The following TASP1 variants were observed in gnomAD, a reference collection of about 807,000 sequenced individuals.
TASP1 encodes the protein threonine aspartase 1.
A neutral mutation model predicts 56.6 loss-of-function variants in TASP1; 16 were observed. The observed-to-expected ratio is 0.28, with a 90% CI of 0.19 to 0.43. The LOEUF is 0.43. Among genes scored for constraint, TASP1 ranks in the 20% least tolerant of loss-of-function variants. TASP1 has a pLI of 1.00. For missense variants in TASP1, 393 were observed against 511.6 expected, an observed-to-expected ratio of 0.77 and a Z score of 2.24; for synonymous variants, 179 against 184.2, an observed-to-expected ratio of 0.97 and a Z score of 0.23.
At chr20:13,186,559 G>C in the TASP1 span, among the ~76,000 whole-genome samples, 22 of 152,114 alleles carry the variant, frequency 1.4e-4, no homozygotes, top group African/African-American at 5.3e-4. Flanking sequence ...ATAGAACACT[G>C]AGATTTAATT....
the TASP1 span, among the ~76,000 whole-genome samples, chr20:13,343,335 G>A: frequency 3.3e-5 from 5 of 152,216 alleles, no homozygotes; most frequent in African/African-American, 7.2e-5. Context: ...CTTGGCTCTT[G>A]GAAAATGGCC....
chr20:13,466,732 C>T (rs1411173057), intron 11 of TASP1, among the ~76,000 whole-genome samples: 1 of 152,184 alleles, frequency 6.6e-6, no homozygotes, highest in Non-Finnish European at 1.5e-5. Flanking sequence ...CAAAGCAAGA[C>T]TCCATCTTAA....
the TASP1 span, among the ~76,000 whole-genome samples, chr20:13,379,945 G>T: frequency 6.6e-6 from 1 of 152,208 alleles, no homozygotes; most frequent in Non-Finnish European, 1.5e-5. Flanking sequence ...TTCTTCTCTA[G>T]ACTGGTTATT....
At chr20:13,385,509 G>A (rs1009110134), downstream of TASP1, among the ~76,000 whole-genome samples, 29 of 152,192 alleles carry the variant, frequency 1.9e-4, no homozygotes, top group Admixed American at 1.3e-4. Flanking sequence ...CCCAGTGAGG[G>A]GCATAAGCAG....
chr20:13,383,676 G>C, the TASP1 span, among the ~76,000 whole-genome samples: 1 of 152,182 alleles, frequency 6.6e-6, no homozygotes, highest in East Asian at 1.9e-4. Flanking sequence ...CTCTGAGCCT[G>C]CATGGAGTAA....
At chr20:13,152,098 G>C in the TASP1 span, among the ~76,000 whole-genome samples, 2 of 152,118 alleles carry the variant, frequency 1.3e-5, no homozygotes, top group African/African-American at 4.8e-5. Context: ...TTATAGTGGA[G>C]GGGCTAACAA....
intron 13 of TASP1, among the ~76,000 whole-genome samples, chr20:13,406,815 C>T (rs542598763): frequency 4.6e-5 from 7 of 151,832 alleles, no homozygotes; most frequent in South Asian, 2.1e-4. Flanking sequence ...TACAGGCGCC[C>T]GCCACCATGC....
chr20:13,601,455 T>C (rs1296143889), intron 4 of TASP1, among the ~76,000 whole-genome samples: 1 of 152,158 alleles, frequency 6.6e-6, no homozygotes, highest in Non-Finnish European at 1.5e-5. Context: ...AATAAAGCAG[T>C]ATTAGACTAC....
At chr20:13,264,956 C>A in the TASP1 span, among the ~76,000 whole-genome samples, 1 of 152,168 alleles carries the variant, frequency 6.6e-6, no homozygotes, top group Non-Finnish European at 1.5e-5. Context: ...GAGGATGCTA[C>A]CAGAGAAGTG....
the TASP1 span, among the ~76,000 whole-genome samples, chr20:13,205,487 TC>T: frequency 6.6e-6 from 1 of 152,150 alleles, no homozygotes; most frequent in African/African-American, 2.4e-5. Context: ...GCCGAAGAGT[TC>T]AAGATCAAGA....
At chr20:13,522,933 T>C (rs1057278660) in intron 10 of TASP1, among the ~76,000 whole-genome samples, 3 of 152,080 alleles carry the variant, frequency 2.0e-5, no homozygotes, top group African/African-American at 4.8e-5. Flanking sequence ...TTAAGGACAG[T>C]ATTTACAGGA....
the TASP1 span, among the ~76,000 whole-genome samples, chr20:13,381,983 C>T: frequency 3.3e-5 from 5 of 152,162 alleles, no homozygotes; most frequent in Non-Finnish European, 2.9e-5. Flanking sequence ...CAGATGTGCA[C>T]ACCAGGATCC....
the TASP1 span, among the ~76,000 whole-genome samples, chr20:13,293,801 C>T: frequency 6.6e-6 from 1 of 151,920 alleles, no homozygotes; most frequent in Non-Finnish European, 1.5e-5. Flanking sequence ...TGGGGAAACC[C>T]CATCTCTACT....
At chr20:13,534,537 CTTG>C (rs1387523466) in intron 8 of TASP1, among the ~76,000 whole-genome samples, 1 of 152,160 alleles carries the variant, frequency 6.6e-6, no homozygotes, top group Non-Finnish European at 1.5e-5. Context: ...AATAAATACT[CTTG>C]TTGGTATTTC....
At chr20:13,435,237 A>C in intron 11 of TASP1, 83 bp from the exon 12 acceptor site, 2 of 1,016,794 alleles carry the variant, frequency 2.0e-6, no homozygotes, top group East Asian at 5.3e-5. Context: ...TAGAACAAAA[A>C]TGTGGCATGA....
In TASP1 at chr20:13,587,246, A is replaced by G; in HGVS notation, c.403+4T>C. Reference sequence around the variant, plus strand: ...AAAGATAGTAGGTCATAATGCCCACATACCACTCAGTGCTCCAACTGCTCC... The same window carrying G: ...AAAGATAGTAGGTCATAATGCCCACGTACCACTCAGTGCTCCAACTGCTCC... On this transcript the variant is annotated splice_donor_region_variant and intron_variant, in intron 5 of 13. Transcript: ENST00000337743. The G allele has an allele frequency of 6.2e-7, 1 of 1,605,746 alleles. No individual in the cohort carries two copies. The highest frequency in any genetic ancestry group is 8.5e-7 in the Non-Finnish European group (1 of 1,175,818).
the TASP1 span, among the ~76,000 whole-genome samples, chr20:13,322,267 A>G: frequency 9.9e-5 from 15 of 152,152 alleles, no homozygotes; most frequent in Non-Finnish European, 4.4e-5. Flanking sequence ...CGTCATCTTC[A>G]AAGGCAGTTT....
At chr20:13,336,407 G>T in the TASP1 span, among the ~76,000 whole-genome samples, 1 of 152,072 alleles carries the variant, frequency 6.6e-6, no homozygotes, top group Non-Finnish European at 1.5e-5. Flanking sequence ...ATGGGTTCTT[G>T]GCTACCTCCT....
chr20:13,374,232 T>C, the TASP1 span, among the ~76,000 whole-genome samples: 1 of 152,206 alleles, frequency 6.6e-6, no homozygotes, highest in African/African-American at 2.4e-5. Flanking sequence ...TGACATTTGG[T>C]CCCTCTCTGA....
Sources: gnomAD v4.1 joint callset for allele counts (sites outside exome capture counted in the v4.1 genomes callset) on GRCh38, gnomAD v4.1.1 for gene constraint, MANE v1.5 for transcripts, NCBI Gene and HGNC (gene_info 2026-07-23, HGNC 2026-07-21) for gene names.